MGAT5B: variants seen among roughly 807,000 people sequenced by gnomAD.
MGAT5B encodes the protein alpha-1,6-mannosylglycoprotein 6-beta-N-acetylglucosaminyltransferase B.
MGAT5B carries 54 observed loss-of-function variants against 95.1 expected under a neutral mutation model. The observed-to-expected ratio is 0.57, with a 90% confidence interval of 0.46 to 0.71. The LOEUF (loss-of-function observed/expected upper bound fraction) is 0.71. Ranked by LOEUF, MGAT5B falls within the 30% of genes least tolerant of loss-of-function variation. The pLI is 0.00. For missense variants in MGAT5B, 935 were observed against 1,088.6 expected (o/e 0.86, Z 1.99); for synonymous variants, 464 against 451.0 (o/e 1.03, Z -0.36).
chr17:76,938,205 C>T lies in MGAT5B; in HGVS notation c.1584+62C>T. ...CGGCTGCAGACACTGAGGTCACCACCCATGCCTGCCACCACCACTCAGGCC... is the reference window on the plus strand; with the variant it reads ...CGGCTGCAGACACTGAGGTCACCACTCATGCCTGCCACCACCACTCAGGCC... On this transcript the variant is annotated intron_variant, in intron 13 of 17. Coordinates refer to ENST00000569840, the MANE Select transcript of MGAT5B (RefSeq NM_001199172.2). This position sits in a 1 kb window ranked among gnomAD's most constrained non-coding sequence, Gnocchi z 4.3. 1 of 1,583,990 alleles carries T rather than the reference C, an allele frequency of 6.3e-7. No individual in the cohort carries two copies. Among genetic ancestry groups the T allele is most frequent in the Non-Finnish European group, 8.6e-7 (1 of 1,160,582 alleles).
At chr17:76,909,894 T>C (rs976821497) in intron 8 of MGAT5B, among the ~76,000 whole-genome samples, 2 of 152,164 alleles carry the variant, frequency 1.3e-5, no homozygotes, top group East Asian at 1.9e-4. Context: ...AAAGAAAAAG[T>C]GTCTCCAGAG....
At chr17:76,947,521 C>T (rs527873651) in intron 16 of MGAT5B, among the ~76,000 whole-genome samples, 1 of 152,242 alleles carries the variant, frequency 6.6e-6, no homozygotes, top group African/African-American at 2.4e-5. Flanking sequence ...CCCAGCCTGA[C>T]CTGAGCATCG....
chr17:76,886,971 G>C (rs1296144880), intron 3 of MGAT5B, among the ~76,000 whole-genome samples: 1 of 152,214 alleles, frequency 6.6e-6, no homozygotes, highest in Non-Finnish European at 1.5e-5. Flanking sequence ...TTGAAGCTGA[G>C]AGGCGGAGGC....
Position 76,905,139 on chromosome 17 carries a change from G to T in MGAT5B, c.691-30G>T. On this transcript the variant is annotated intron_variant, in intron 6 of 17. Coordinates refer to ENST00000569840, the MANE Select transcript of MGAT5B (RefSeq NM_001199172.2). This position sits in a 1 kb window ranked among gnomAD's most constrained non-coding sequence, Gnocchi z 4.2. ...GAATGATGGTGGCCGCAGGTTGAGG[G>T]GCAGAGAGCTGAGGTCTGGACCCCT... The T allele has an allele frequency of 6.3e-7, 1 of 1,577,888 alleles. No homozygotes were observed. Among genetic ancestry groups the T allele is most frequent in the South Asian group, 1.1e-5 (1 of 87,500 alleles).
At chr17:76,878,541 C>T (rs540854027) in intron 2 of MGAT5B, among the ~76,000 whole-genome samples, 21 of 152,204 alleles carry the variant, frequency 1.4e-4, no homozygotes, top group Middle Eastern at 3.4e-3. Context: ...GTGGTGCAAT[C>T]GTGGCTCACT....
intron 10 of MGAT5B, among the ~76,000 whole-genome samples, chr17:76,927,905 G>A (rs1286727346): frequency 6.6e-6 from 1 of 152,242 alleles, no homozygotes; most frequent in East Asian, 1.9e-4. Context: ...TAGACTCTGA[G>A]CAGAGTCCTG....
intron 12 of MGAT5B, 144 bp downstream of exon 12, chr17:76,933,441 G>A (rs1969559019): frequency 6.5e-6 from 7 of 1,082,964 alleles, no homozygotes; most frequent in Admixed American, 4.2e-5. Context: ...CCAAGGTGGG[G>A]AAGAGGGTGA....
intron 1 of MGAT5B, among the ~76,000 whole-genome samples, chr17:76,871,033 GTA>G (rs1966991794): frequency 6.6e-6 from 1 of 152,114 alleles, no homozygotes; most frequent in African/African-American, 2.4e-5. Context: ...GCTGAAGGGG[GTA>G]GACACCTTTC....
intron 2 of MGAT5B, among the ~76,000 whole-genome samples, chr17:76,875,387 G>A (rs550518823): frequency 1.4e-4 from 21 of 152,082 alleles, no homozygotes; most frequent in African/African-American, 2.4e-4. Context: ...CCTTTTGCTC[G>A]GTACTTCCCC....
chr17:76,900,382 C>G (rs1473387338), intron 3 of MGAT5B, among the ~76,000 whole-genome samples: 11 of 152,176 alleles, frequency 7.2e-5, no homozygotes, highest in South Asian at 2.1e-4. Flanking sequence ...TGACTATGAC[C>G]TCATTTGGAT....
chr17:76,932,051 TCTCCTCCTCCTTTTTTC>T (rs1969497225), intron 10 of MGAT5B, among the ~76,000 whole-genome samples: 2 of 112,596 alleles, frequency 1.8e-5, no homozygotes, highest in African/African-American at 6.6e-5. Context: ...TCCTCCTCTT[TCTCCTCCTCCTTTTTTC>T]CTCCTCCTCC....
At chr17:76,886,975 C>A in intron 3 of MGAT5B, among the ~76,000 whole-genome samples, 1 of 152,092 alleles carries the variant, frequency 6.6e-6, no homozygotes, top group East Asian at 1.9e-4. Context: ...AGCTGAGAGG[C>A]GGAGGCTGCA....
At chr17:76,943,717 A>T (rs1190139522) in intron 15 of MGAT5B, among the ~76,000 whole-genome samples, 3 of 152,108 alleles carry the variant, frequency 2.0e-5, no homozygotes, top group Non-Finnish European at 4.4e-5. Context: ...CTGGGATTAC[A>T]GGCATGAGCC....
intron 12 of MGAT5B, 97 bp from the exon 13 acceptor site, chr17:76,937,891 C>A: frequency 6.8e-7 from 1 of 1,461,616 alleles, no homozygotes; most frequent in Non-Finnish European, 9.4e-7. Context: ...GAGACTGGGT[C>A]CACATCTTCT....
chr17:76,909,169 G>T (rs1478152083), intron 8 of MGAT5B, among the ~76,000 whole-genome samples: 1 of 151,956 alleles, frequency 6.6e-6, no homozygotes, highest in East Asian at 1.9e-4. Flanking sequence ...CCGCCATGTT[G>T]CCCAGGCTGG....
chr17:76,880,003 A>C (rs1967348804), intron 2 of MGAT5B, among the ~76,000 whole-genome samples: 1 of 152,008 alleles, frequency 6.6e-6, no homozygotes, highest in South Asian at 2.1e-4. Flanking sequence ...GCTAGTATGA[A>C]ATTTCCCGGT....
chr17:76,874,408 G>A (rs1967112962), intron 2 of MGAT5B, among the ~76,000 whole-genome samples: 1 of 152,084 alleles, frequency 6.6e-6, no homozygotes, highest in Non-Finnish European at 1.5e-5. Flanking sequence ...GAGGTGGGTG[G>A]GGATGGGAGG....
rs1970123651 is a variant in MGAT5B, at chr17:76,948,973, G to A, written c.*135G>A. ...GGCCGGAGCTTCCTTCCTTAGCCGGGAAGCTGGCAGAGGAGAGCCGTGCCC... is the reference window on the plus strand; with the variant it reads ...GGCCGGAGCTTCCTTCCTTAGCCGGAAAGCTGGCAGAGGAGAGCCGTGCCC... On this transcript the variant is annotated 3_prime_UTR_variant, in exon 18 of 18. Coordinates refer to ENST00000569840, the MANE Select transcript of MGAT5B (RefSeq NM_001199172.2). 3 of 1,057,700 alleles carry A rather than the reference G, an allele frequency of 2.8e-6. No homozygotes were observed. Among genetic ancestry groups the A allele is most frequent in the Non-Finnish European group, 2.7e-6 (2 of 749,948 alleles). 65.5% of individuals were successfully genotyped at this position (1,057,700 alleles called of 1,614,324 possible).
chr17:76,929,392 A>G (rs1969414431), intron 10 of MGAT5B, among the ~76,000 whole-genome samples: 1 of 152,208 alleles, frequency 6.6e-6, no homozygotes, highest in Non-Finnish European at 1.5e-5. Context: ...TCCTCTTTTT[A>G]CCATCACTTT....
Sources: allele counts gnomAD v4.1 joint callset (sites outside exome capture counted in the v4.1 genomes callset), GRCh38; gene constraint gnomAD v4.1.1; non-coding constraint Gnocchi (gnomAD v3.1); transcripts MANE v1.5; gene names NCBI Gene and HGNC (gene_info 2026-07-23, HGNC 2026-07-21).